EMID1: variants seen among roughly 807,000 people sequenced by gnomAD.
EMID1 encodes EMI domain-containing protein 1.
A neutral mutation model predicts 60.6 loss-of-function variants in EMID1; 40 were observed. The ratio of observed to expected loss-of-function variants is 0.66; its 90% CI spans 0.51 to 0.86. The LOEUF is 0.86. Among genes scored for constraint, EMID1 ranks in the 40% least tolerant of loss-of-function variants. EMID1 has a pLI of 0.00. For synonymous variants in EMID1, 242 were observed against 231.0 expected (o/e 1.05, Z -0.43); for missense variants, 585 against 597.1 (o/e 0.98, Z 0.21).
At chr22:29,233,092 G>T in intron 8 of EMID1, 1 of 467,766 alleles carries the variant, frequency 2.1e-6, no homozygotes, top group Middle Eastern at 5.8e-4. Context: ...ATCTTTTATT[G>T]TCATTCCCAT....
intron 13 of EMID1, among the ~76,000 whole-genome samples, chr22:29,249,460 A>G (rs1340435455): frequency 1.3e-5 from 2 of 152,108 alleles, no homozygotes; most frequent in Admixed American, 6.6e-5. Context: ...TTTAGTAAAG[A>G]CAGGGTTTCA....
rs111434089 is a variant in EMID1 at position 29,253,855 on chromosome 22, T to G, written c.1120-348T>G. On this transcript the variant is annotated intron_variant, in intron 13 of 14. Coordinates refer to ENST00000334018, the MANE Select transcript of EMID1 (RefSeq NM_133455.4). ...GCAACTGGTGCTGGGCGACAGACAT[T>G]AGAGGACAGGAGGGCTCCCAGCAGC... 754 of 967,554 alleles carry G rather than the reference T, an allele frequency of 7.8e-4. 8 individuals are homozygous for G. The African/African-American group carries it at 0.012, about 16-fold the overall frequency. 59.9% of individuals were successfully genotyped at this position (967,554 alleles called of 1,614,324 possible).
intron 14 of EMID1, chr22:29,254,652 GC>G (rs1194518062): frequency 3.8e-6 from 1 of 265,540 alleles, no homozygotes; most frequent in African/African-American, 2.2e-5. Flanking sequence ...GGGTAACAGA[GC>G]CAGACTCCTG....
At chr22:29,243,578 G>A (rs1228719067) in intron 13 of EMID1, 89 bp downstream of exon 13, 15 of 1,486,236 alleles carry the variant, frequency 1.0e-5, no homozygotes, top group Non-Finnish European at 1.4e-5. Flanking sequence ...CCCTGGGAGT[G>A]GGAGCATCCC....
Position 29,258,867 on chromosome 22 carries a change from C to A in EMID1, c.1255C>A (p.Leu419Ile). The change falls in exon 15 of 15, where the codon CTC (leucine) becomes ATC (isoleucine). Residue 419 changes from leucine to isoleucine, a missense_variant. Leu to Ile is a conservative substitution (Grantham distance 5). Coordinates refer to ENST00000334018, the MANE Select transcript of EMID1 (RefSeq NM_133455.4). ...CCCTGCCGGCACAGGCACCCCCAGC[C>A]TCCTTCGGGGCAAGAGGGGCGGACA... ...AGPAGTGTPS[L>I]LRGKRGGHAT... is the part of the protein sequence containing the mutation. 1 of 1,613,236 alleles carries A rather than the reference C, an allele frequency of 6.2e-7. No individual in the cohort carries two copies. Among genetic ancestry groups the A allele is most frequent in the South Asian group, 1.1e-5 (1 of 91,064 alleles).
intron 12 of EMID1, among the ~76,000 whole-genome samples, chr22:29,242,232 G>A (rs1352210456): frequency 6.6e-6 from 1 of 152,142 alleles, no homozygotes; most frequent in Non-Finnish European, 1.5e-5. Context: ...GGCTCTGTCT[G>A]TACTTTAAAT....
chr22:29,249,023 C>G (rs1569004203), intron 13 of EMID1, among the ~76,000 whole-genome samples: 1 of 152,082 alleles, frequency 6.6e-6, no homozygotes, highest in Non-Finnish European at 1.5e-5. Context: ...ATTTATAGAT[C>G]TTTTTTTCAA....
At chr22:29,245,702 G>T (rs1280539528) in intron 13 of EMID1, among the ~76,000 whole-genome samples, 4 of 152,180 alleles carry the variant, frequency 2.6e-5, no homozygotes, top group Non-Finnish European at 2.9e-5. Flanking sequence ...TTCTGGCTGT[G>T]GCCCAGCAGT....
At chr22:29,245,049 G>C (rs1256854770) in intron 13 of EMID1, among the ~76,000 whole-genome samples, 1 of 150,112 alleles carries the variant, frequency 6.7e-6, no homozygotes, top group African/African-American at 2.5e-5. Context: ...GTCAGTGATG[G>C]ATACAGCCGT....
In EMID1 at chr22:29,226,547, C is replaced by G; in HGVS notation, c.461C>G (p.Ala154Gly). The change falls in exon 5 of 15, where the codon GCC becomes GGC. Residue 154 changes from alanine to glycine, a missense_variant. Ala to Gly is a moderately conservative substitution (Grantham distance 60, BLOSUM62 0). Coordinates refer to ENST00000334018, the MANE Select transcript of EMID1 (RefSeq NM_133455.4). ...ACAGAGCGGCTGAAGGTGCTGGAGGCCAAGGTGGGTGAGCAGCTCCCTCCT... is the reference window on the plus strand; with the variant it reads ...ACAGAGCGGCTGAAGGTGCTGGAGGGCAAGGTGGGTGAGCAGCTCCCTCCT... ...ELTERLKVLE[A>G]KMTMLTVIEQ... 1 of 1,611,808 alleles carries G rather than the reference C, an allele frequency of 6.2e-7. No individual in the cohort carries two copies. Among genetic ancestry groups the G allele is most frequent in the Non-Finnish European group, 8.5e-7 (1 of 1,179,082 alleles).
intron 13 of EMID1, among the ~76,000 whole-genome samples, chr22:29,245,923 T>C (rs1451948682): frequency 6.6e-6 from 1 of 152,104 alleles, no homozygotes; most frequent in East Asian, 1.9e-4. Context: ...ATCTCCTCCA[T>C]AGGCACCAGA....
At position 29,254,230 on chromosome 22, in the gene EMID1, G is replaced by T; in HGVS notation, c.1147G>T (p.Ala383Ser). 6.2e-7 allele frequency: 1 copy of T among 1,614,214 alleles called. No homozygotes were observed. Among genetic ancestry groups the T allele is most frequent in the Non-Finnish European group, 8.5e-7 (1 of 1,180,032 alleles). Residue 383 changes from alanine (A) to serine (S), a missense_variant, in exon 14 of 15, where the codon GCT (alanine) becomes TCT (serine). Ala to Ser is a moderately conservative substitution (Grantham distance 99). Coordinates refer to ENST00000334018, the MANE Select transcript of EMID1 (RefSeq NM_133455.4). ...GGAGGGGTTGCACCAGCTACGCGAG[G>T]CTTTGAAGATTTTAGCTGAGAGGGT... is the stretch of plus-strand genomic sequence containing the variant. ...WGEGLHQLRE[A>S]LKILAERVLI...
At chr22:29,223,560 CA>C (rs1439296679) in intron 3 of EMID1, among the ~76,000 whole-genome samples, 2 of 152,160 alleles carry the variant, frequency 1.3e-5, no homozygotes, top group Non-Finnish European at 2.9e-5. Context: ...CTCCACCAAC[CA>C]AAAAAAGAAA....
At chr22:29,225,097 C>T (rs1456793943) in intron 3 of EMID1, 36 bp from the exon 4 acceptor site, 2 of 1,606,584 alleles carry the variant, frequency 1.2e-6, no homozygotes, top group Non-Finnish European at 1.7e-6. Context: ...AGGCAAGGAT[C>T]ACATGCCAGC....
At chr22:29,215,238 G>T (rs2040041079) in intron 2 of EMID1, 199 bp downstream of exon 2, 1 of 985,424 alleles carries the variant, frequency 1.0e-6, no homozygotes, top group Non-Finnish European at 1.2e-6. Context: ...CTGAGGGATG[G>T]ATACACCATT....
At chr22:29,215,462 TC>T in intron 2 of EMID1, 64 bp from the exon 3 acceptor site, 1 of 1,506,620 alleles carries the variant, frequency 6.6e-7, no homozygotes. Context: ...CCCATGGGTG[TC>T]CAGGGCAGTG....
chr22:29,211,407 G>A (rs983934963), intron 1 of EMID1, among the ~76,000 whole-genome samples: 7 of 152,156 alleles, frequency 4.6e-5, no homozygotes, highest in Non-Finnish European at 1.0e-4. Context: ...ACGGAGGCCC[G>A]TGTGTCCATG....
intron 2 of EMID1, chr22:29,215,254 G>C (rs2040041496): frequency 5.1e-6 from 5 of 985,438 alleles, no homozygotes; most frequent in Non-Finnish European, 6.0e-6. Flanking sequence ...CCATTTGCCT[G>C]CATTCCTTTA....
At chr22:29,243,579 GGA>G in intron 13 of EMID1, 90 bp downstream of exon 13, 1 of 1,480,620 alleles carries the variant, frequency 6.8e-7, no homozygotes, top group Non-Finnish European at 9.4e-7. Flanking sequence ...CCTGGGAGTG[GGA>G]GCATCCCATC....
Sources: gnomAD v4.1 joint callset for allele counts (sites outside exome capture counted in the v4.1 genomes callset) on GRCh38, gnomAD v4.1.1 for gene constraint, MANE v1.5 for transcripts, NCBI Gene and HGNC (gene_info 2026-07-23, HGNC 2026-07-21) for gene names.